CCDC6: variants seen among roughly 807,000 people sequenced by gnomAD.
The protein encoded by CCDC6 is coiled-coil domain containing 6, also known as coiled-coil domain-containing protein 6.
CCDC6 carries 20 observed loss-of-function variants against 56.6 expected under a neutral mutation model. The ratio of observed to expected loss-of-function variants is 0.35; its 90% CI spans 0.25 to 0.51. CCDC6 has a LOEUF of 0.51. CCDC6 is among the 20% of genes least tolerant of loss of function. The pLI, the probability that CCDC6 is intolerant of heterozygous loss-of-function variation, is 0.95. For missense variants in CCDC6, 367 were observed against 601.1 expected (o/e 0.61, Z 4.07); for synonymous variants, 241 against 234.4 (o/e 1.03, Z -0.26).
At chr10:59,868,546 G>A (rs1187901578) in intron 1 of CCDC6, among the ~76,000 whole-genome samples, 1 of 152,182 alleles carries the variant, frequency 6.6e-6, no homozygotes, top group African/African-American at 2.4e-5. Flanking sequence ...CTGGCTCCAG[G>A]TCTCTTATTT....
chr10:59,803,997 C>T (rs2070598098), intron 7 of CCDC6, among the ~76,000 whole-genome samples: 1 of 152,098 alleles, frequency 6.6e-6, no homozygotes, highest in South Asian at 2.1e-4. Context: ...AAAATGATGA[C>T]TACATTAATT....
At chr10:59,881,414 T>C (rs1240806599) in intron 1 of CCDC6, among the ~76,000 whole-genome samples, 2 of 152,178 alleles carry the variant, frequency 1.3e-5, no homozygotes, top group Admixed American at 1.3e-4. Flanking sequence ...TTCCACCTTC[T>C]TTATCTTGGT....
chr10:59,877,020 C>G (rs1461881253), intron 1 of CCDC6, among the ~76,000 whole-genome samples: 2 of 151,914 alleles, frequency 1.3e-5, no homozygotes, highest in African/African-American at 4.8e-5. Context: ...ATACTGCAGG[C>G]AATTGTAACA....
chr10:59,795,810 C>T (rs1403671147), intron 7 of CCDC6, among the ~76,000 whole-genome samples: 3 of 152,088 alleles, frequency 2.0e-5, no homozygotes, highest in Admixed American at 1.3e-4. Context: ...ATGAACTCAT[C>T]ATTTCTTATG....
intron 3 of CCDC6, among the ~76,000 whole-genome samples, chr10:59,815,031 G>A (rs1483207435): frequency 6.6e-6 from 1 of 152,178 alleles, no homozygotes; most frequent in East Asian, 1.9e-4. Flanking sequence ...CCTCCTTAGA[G>A]AGGTCTTTAG....
chr10:59,895,770 C>T (rs1283985057), intron 1 of CCDC6, among the ~76,000 whole-genome samples: 1 of 152,164 alleles, frequency 6.6e-6, no homozygotes, highest in Non-Finnish European at 1.5e-5. Context: ...GAAGGTCATG[C>T]CTGATAAGAG....
At chr10:59,883,725 A>T (rs2071363117) in intron 1 of CCDC6, among the ~76,000 whole-genome samples, 1 of 152,250 alleles carries the variant, frequency 6.6e-6, no homozygotes, top group Admixed American at 6.5e-5. Context: ...TAATGAGGAA[A>T]CACACTTTCC....
chr10:59,876,057 G>C (rs1278294651), intron 1 of CCDC6, among the ~76,000 whole-genome samples: 1 of 118,428 alleles, frequency 8.4e-6, no homozygotes, highest in Non-Finnish European at 1.7e-5. Context: ...ACATACACGA[G>C]TGCATGCACA....
rs974460063 is a variant in CCDC6 at position 59,804,443 on chromosome 10, C to T, written c.1082G>A (p.Ser361Asn). The change falls in exon 7 of 9, where the codon AGT becomes AAT. Residue 361 changes from serine (S) to asparagine (N), a missense_variant. Around this residue, in one of 7 missense-constraint regions of CCDC6, gnomAD observed 79 missense variants for 83.9 expected, o/e 0.94. Coordinates refer to ENST00000263102, the MANE Select transcript of CCDC6 (RefSeq NM_005436.5). ...SSPIPYTPSP[S>N]SSRPISPGLS... ...ACCAGGTGATATAGGCCTGCTTGAA[C>T]TCGGAGAAGGTGTGTAAGGGATCGG... 6.2e-7 allele frequency: 1 copy of T among 1,612,230 alleles called. No homozygotes were observed. Among genetic ancestry groups the T allele is most frequent in the Non-Finnish European group, 8.5e-7 (1 of 1,178,446 alleles).
chr10:59,850,586 T>C (rs935646317), intron 2 of CCDC6, among the ~76,000 whole-genome samples: 4 of 152,218 alleles, frequency 2.6e-5, no homozygotes, highest in Non-Finnish European at 5.9e-5. Context: ...GGGCTACACA[T>C]TGTATACCAC....
chr10:59,885,864 C>T (rs910356015), intron 1 of CCDC6, among the ~76,000 whole-genome samples: 2 of 151,264 alleles, frequency 1.3e-5, no homozygotes, highest in African/African-American at 2.4e-5. Context: ...TTTATCACAG[C>T]TTCAATTCTA....
At chr10:59,896,482 CTTAAG>C (rs2071464742) in intron 1 of CCDC6, among the ~76,000 whole-genome samples, 1 of 152,142 alleles carries the variant, frequency 6.6e-6, no homozygotes, top group African/African-American at 2.4e-5. Flanking sequence ...GCAGTACAAA[CTTAAG>C]TTAAAATAAG....
intron 1 of CCDC6, among the ~76,000 whole-genome samples, chr10:59,876,546 T>TAA (rs2071282787): frequency 8.2e-6 from 1 of 121,888 alleles, no homozygotes; most frequent in African/African-American, 3.2e-5. Context: ...ACTTTTAAGA[T>TAA]AAAGATAGCT....
At chr10:59,796,587 T>G (rs1039153855) in intron 7 of CCDC6, among the ~76,000 whole-genome samples, 3 of 152,170 alleles carry the variant, frequency 2.0e-5, no homozygotes, top group Non-Finnish European at 2.9e-5. Context: ...GCAATCCCAC[T>G]TCTGGGTATT....
chr10:59,793,375 G>A (rs1483980804), intron 8 of CCDC6, among the ~76,000 whole-genome samples: 1 of 152,156 alleles, frequency 6.6e-6, no homozygotes. Flanking sequence ...GTCCTTCAAC[G>A]AGAGCTGTAA....
chr10:59,839,638 TTA>T (rs1465945173), intron 2 of CCDC6, among the ~76,000 whole-genome samples: 1 of 152,226 alleles, frequency 6.6e-6, no homozygotes, highest in East Asian at 1.9e-4. Context: ...AGTTGTTTTT[TTA>T]AACAACCTAT....
intron 8 of CCDC6, among the ~76,000 whole-genome samples, chr10:59,794,237 C>T (rs2070493803): frequency 6.6e-6 from 1 of 152,204 alleles, no homozygotes; most frequent in Non-Finnish European, 1.5e-5. Context: ...AATTATATTT[C>T]ACAAAGGGTA....
intron 2 of CCDC6, among the ~76,000 whole-genome samples, chr10:59,836,131 TTAAGA>T (rs2070880776): frequency 6.7e-6 from 1 of 148,362 alleles, no homozygotes; most frequent in South Asian, 2.1e-4. Context: ...GAGACAAGGG[TTAAGA>T]TGAGCAAGAG....
rs1189576376 is a variant in CCDC6, at chr10:59,789,403, T to A, written c.*3514A>T. On this transcript the variant is annotated 3_prime_UTR_variant, in exon 9 of 9. Transcript: ENST00000263102. ...TTCCAGAAAATGCCCCCCACGACTT[T>A]ATGCTAACAGCTGTGTGTATGTTTT... is the stretch of plus-strand genomic sequence containing the variant. 1 of 229,800 alleles carries A rather than the reference T, an allele frequency of 4.4e-6. No individual in the cohort carries two copies. The highest frequency in any genetic ancestry group is 5.7e-5 in the Admixed American group (1 of 17,602). 14.2% of individuals were successfully genotyped at this position (229,800 alleles called of 1,614,324 possible). A position where few individuals can be genotyped will look rare whatever the true frequency, so the allele number is the denominator to read the frequency against.
Sources: allele counts gnomAD v4.1 joint callset (sites outside exome capture counted in the v4.1 genomes callset), GRCh38; gene constraint gnomAD v4.1.1; regional missense constraint gnomAD v4.1.1; transcripts MANE v1.5; gene names NCBI Gene and HGNC (gene_info 2026-07-23, HGNC 2026-07-21).